Variants in UBR4 observed in about 807,000 individuals in gnomAD.
The protein encoded by UBR4 is ubiquitin protein ligase E3 component n-recognin 4, also known as E3 ubiquitin-protein ligase UBR4.
In UBR4, 124 loss-of-function variants were observed where a neutral mutation model predicts 575.6. The ratio of observed to expected loss-of-function variants is 0.22; its 90% CI spans 0.19 to 0.25. The LOEUF (loss-of-function observed/expected upper bound fraction) is 0.25, where lower values mean the gene tolerates loss of function less well. Among genes scored for constraint, UBR4 ranks in the 10% least tolerant of loss-of-function variants. The probability of loss-of-function intolerance (pLI) is 1.00; values close to 1 mark genes in which losing one functional copy is unlikely to be tolerated. For synonymous variants in UBR4, 2,455 were observed against 2,473.7 expected (o/e 0.99, Z 0.22); for missense variants, 4,818 against 6,478.8 (o/e 0.74, Z 8.80).
intron 60 of UBR4, 57 bp downstream of exon 60, chr1:19,137,950 T>C: frequency 1.4e-6 from 2 of 1,425,800 alleles, no homozygotes; most frequent in Non-Finnish European, 1.9e-6. Flanking sequence ...AGTCCTACTA[T>C]TCCTGAAATA....
intron 87 of UBR4, among the ~76,000 whole-genome samples, chr1:19,103,118 A>G (rs1355090746): frequency 6.6e-6 from 1 of 152,210 alleles, no homozygotes; most frequent in Non-Finnish European, 1.5e-5. Flanking sequence ...AAAAAATATG[A>G]GGTCACAGTC....
intron 68 of UBR4, among the ~76,000 whole-genome samples, chr1:19,120,780 G>C (rs2081088353): frequency 2.0e-5 from 3 of 152,192 alleles, no homozygotes; most frequent in African/African-American, 7.2e-5. Context: ...ACTGATCTCA[G>C]GTCTCCAAGG....
At chr1:19,131,172 G>C (rs7538687) in intron 60 of UBR4, among the ~76,000 whole-genome samples, 85,748 of 147,904 alleles carry the variant, frequency 0.58, 25,032 homozygotes, top group East Asian at 0.76. Flanking sequence ...GCCTCCCAAA[G>C]TGCTGGGATT....
chr1:19,175,955 G>A (rs1266777095), intron 20 of UBR4, among the ~76,000 whole-genome samples: 1 of 151,870 alleles, frequency 6.6e-6, no homozygotes, highest in South Asian at 2.1e-4. Flanking sequence ...CACCATGCCC[G>A]GCTACTTATT....
chr1:19,081,463 A>G lies in UBR4; in HGVS notation c.15119T>C (p.Val5040Ala). ...AGGGGGCAGGATGTGAAGGGCCAAGACTGTGAAATAGTAGGGCCCGTCCAC... is the reference window on the plus strand; with the variant it reads ...AGGGGGCAGGATGTGAAGGGCCAAGGCTGTGAAATAGTAGGGCCCGTCCAC... ...FEVDGPYYFT[V>A]LALHILPPEQ... The change falls in exon 103 of 106, where the codon GTC (valine) becomes GCC (alanine). Residue 5040 changes from valine to alanine, a missense_variant. Coordinates refer to ENST00000375254, the MANE Select transcript of UBR4 (RefSeq NM_020765.3). 1.2e-6 allele frequency: 2 copies of G among 1,613,974 alleles called. No homozygotes were observed. The highest frequency in any genetic ancestry group is 1.7e-6 in the Non-Finnish European group (2 of 1,180,010).
At chr1:19,108,082 TA>T (rs2079425660) in intron 81 of UBR4, among the ~76,000 whole-genome samples, 1 of 152,174 alleles carries the variant, frequency 6.6e-6, no homozygotes, top group African/African-American at 2.4e-5. Context: ...AAGGAAAGAA[TA>T]TTTTAATACC....
intron 22 of UBR4, among the ~76,000 whole-genome samples, 163 bp from the exon 23 acceptor site, chr1:19,173,784 G>C (rs537273428): frequency 6.6e-6 from 1 of 152,186 alleles, no homozygotes; most frequent in African/African-American, 2.4e-5. Flanking sequence ...TCTTTCTAGA[G>C]AGTGCACCTA....
chr1:19,165,500 C>A, intron 30 of UBR4, 151 bp from the exon 31 acceptor site: 1 of 1,059,564 alleles, frequency 9.4e-7, no homozygotes, highest in Admixed American at 2.4e-5. Context: ...CCCTCACCAA[C>A]AACCCCAAGG....
Position 19,145,884 on chromosome 1 carries a change from G to C in UBR4, c.7854C>G (p.Cys2618Trp), listed in dbSNP as rs1428232883. The C allele has an allele frequency of 1.2e-6, 2 of 1,614,200 alleles. No homozygotes were observed. Among genetic ancestry groups the C allele is most frequent in the South Asian group, 2.2e-5 (2 of 91,084 alleles). Residue 2618 changes from cysteine (C) to tryptophan (W), a missense_variant, in exon 53 of 106, where the codon TGC becomes TGG. Cys to Trp is a radical substitution (Grantham distance 215). Coordinates refer to ENST00000375254, the MANE Select transcript of UBR4 (RefSeq NM_020765.3). ...TCACAAGCTGGGTGATGAAACTACA[G>C]CAATCTCCTTCCAACTGCTTCTGCG... is the stretch of plus-strand genomic sequence containing the variant. Reference protein sequence around the residue: ...KEPQKQLEGDCCSFITQLVNH... With the variant: ...KEPQKQLEGDWCSFITQLVNH...
intron 17 of UBR4, among the ~76,000 whole-genome samples, chr1:19,183,487 T>G (rs1445700483): frequency 1.3e-5 from 2 of 152,136 alleles, no homozygotes; most frequent in African/African-American, 2.4e-5. Flanking sequence ...TTTGGGAGGC[T>G]GAGGCGGGCG....
intron 33 of UBR4, 85 bp from the exon 34 acceptor site, chr1:19,163,912 G>A (rs2087833003): frequency 7.2e-7 from 1 of 1,390,580 alleles, no homozygotes; most frequent in African/African-American, 1.4e-5. Context: ...CATTAACTTT[G>A]AATCAATCTG....
chr1:19,165,497 C>A, intron 30 of UBR4, 148 bp from the exon 31 acceptor site: 1 of 1,047,256 alleles, frequency 9.5e-7, no homozygotes, highest in Non-Finnish European at 1.4e-6. Context: ...ACCCCCTCAC[C>A]AACAACCCCA....
chr1:19,154,787 G>T, intron 44 of UBR4, 131 bp downstream of exon 44: 1 of 1,298,856 alleles, frequency 7.7e-7, no homozygotes, highest in Non-Finnish European at 1.1e-6. Context: ...ATACCTAGCA[G>T]GGGAGAAAAA....
rs750468028 is a variant in UBR4 at position 19,081,465 on chromosome 1, T to C, written c.15117A>G (p.Thr5039=). The C allele has an allele frequency of 6.2e-7, 1 of 1,613,954 alleles. No homozygotes were observed. Among genetic ancestry groups the C allele is most frequent in the South Asian group, 1.1e-5 (1 of 91,062 alleles). ...AFEVDGPYYF[T]VLALHILPPE... ...GGGGCAGGATGTGAAGGGCCAAGAC[T>C]GTGAAATAGTAGGGCCCGTCCACTT... The change falls in exon 103 of 106, where the codon ACA becomes ACG. Residue 5039 remains threonine (T), a synonymous_variant. Transcript: ENST00000375254.
At chr1:19,103,933 A>G in intron 87 of UBR4, 151 bp downstream of exon 87, 1 of 939,186 alleles carries the variant, frequency 1.1e-6, no homozygotes, top group African/African-American at 1.7e-5. Context: ...AAGAGCCAAC[A>G]CTTTGTCAAG....
chr1:19,156,507 T>C, intron 41 of UBR4, 84 bp from the exon 42 acceptor site: 1 of 1,501,928 alleles, frequency 6.7e-7, no homozygotes, highest in Non-Finnish European at 9.0e-7. Context: ...CGTTCCCTTT[T>C]TTCCTCTAAT....
At chr1:19,140,718 C>G in intron 58 of UBR4, 70 bp downstream of exon 58, 1 of 1,472,220 alleles carries the variant, frequency 6.8e-7, no homozygotes, top group East Asian at 2.4e-5. Context: ...CCATTACACT[C>G]TCACAGCAGT....
chr1:19,184,954 A>G, intron 15 of UBR4, 145 bp downstream of exon 15: 1 of 936,720 alleles, frequency 1.1e-6, no homozygotes, highest in Non-Finnish European at 1.6e-6. Flanking sequence ...AATGACACAT[A>G]ATCAAGACAT....
intron 102 of UBR4, chr1:19,081,967 G>C: frequency 1.7e-6 from 1 of 590,746 alleles, no homozygotes; most frequent in Non-Finnish European, 3.0e-6. Context: ...AAGCTAGTGA[G>C]TGATGGGGCC....
Sources: allele counts gnomAD v4.1 joint callset (sites outside exome capture counted in the v4.1 genomes callset), GRCh38; gene constraint gnomAD v4.1.1; transcripts MANE v1.5; gene names NCBI Gene and HGNC (gene_info 2026-07-23, HGNC 2026-07-21).